Variants in OR5P3 observed in about 807,000 individuals in gnomAD.
OR5P3 encodes olfactory receptor 5P3.
For missense variants in OR5P3, 415 were observed against 375.6 expected (o/e 1.10, Z -0.87); for synonymous variants, 172 against 141.8 (o/e 1.21, Z -1.51).
In OR5P3 at chr11:7,826,231, G is replaced by A. The variant is rs117239400; in HGVS notation, c.-21-238C>T. 6.5e-3 allele frequency among the ~76,000 whole-genome samples: 979 copies of A among 150,970 alleles called. 4 individuals are homozygous for A. The highest frequency in any genetic ancestry group is 0.011 in the South Asian group (51 of 4,786). ...TTTTTTAACTTAACACACTCAACTC[G>A]TATTGGATGGTTAATTTAGGTGCTC... On this transcript the variant is annotated intron_variant, in intron 1 of 1. Coordinates refer to ENST00000641167, the MANE Select transcript of OR5P3 (RefSeq NM_153445.2).
chr11:7,829,993 T>C (rs1309654112), intron 1 of OR5P3, among the ~76,000 whole-genome samples: 1 of 152,242 alleles, frequency 6.6e-6, no homozygotes, highest in East Asian at 1.9e-4. Flanking sequence ...CATCATTTAA[T>C]ATAAGGTTTA....
Position 7,825,867 on chromosome 11 carries a change from C to G in OR5P3, c.106G>C (p.Val36Leu), listed in dbSNP as rs777463642. 1.2e-6 allele frequency: 2 copies of G among 1,611,030 alleles called. No homozygotes were observed. The highest frequency in any genetic ancestry group is 4.5e-5 in the East Asian group (2 of 44,886). ...ILFLVFLGIY[V>L]VTLMGNISII... ...CTGATATTACCCATTAAGGTGACAA[C>G]ATAAATTCCTAGAAACACAAGAAAT... The change falls in exon 2 of 2, where the codon GTT (valine) becomes CTT (leucine). Residue 36 changes from valine (V) to leucine (L), a missense_variant. Val to Leu is a conservative substitution (Grantham distance 32). Coordinates refer to ENST00000641167, the MANE Select transcript of OR5P3 (RefSeq NM_153445.2).
Position 7,830,099 on chromosome 11 carries a change from G to A in OR5P3, c.-22+725C>T, listed in dbSNP as rs146393934. On this transcript the variant is annotated intron_variant, in intron 1 of 1. Transcript: ENST00000641167. ...TCTTTAAAGATCAACCAAAATTAAG[G>A]AATAATGTATTTTTCTTTAAAGAAT... 4.3e-3 allele frequency among the ~76,000 whole-genome samples: 649 copies of A among 152,062 alleles called. 2 individuals are homozygous for A. The highest frequency in any genetic ancestry group is 0.015 in the African/African-American group (624 of 41,478).
At chr11:7,826,819 A>G (rs1857747465) in intron 1 of OR5P3, among the ~76,000 whole-genome samples, 1 of 152,224 alleles carries the variant, frequency 6.6e-6, no homozygotes, top group African/African-American at 2.4e-5. Flanking sequence ...GGTTGCTAAC[A>G]GAAGATTCCA....
In OR5P3 at chr11:7,825,965, G is replaced by A. The variant is rs756724882; in HGVS notation, c.8C>T (p.Thr3Ile). The A allele has an allele frequency of 7.9e-6, 12 of 1,527,986 alleles. No individual in the cohort carries two copies. In the South Asian group the frequency reaches 1.4e-4, roughly 18 times the overall value. The allele number at this position is 1,527,986 out of a possible 1,614,324, so 94.7% of individuals were successfully genotyped here. Residue 3 changes from threonine (T) to isoleucine (I), a missense_variant, in exon 2 of 2, where the codon ACT becomes ATT. Thr to Ile is a moderately conservative substitution (Grantham distance 89). Transcript: ENST00000641167. Reference protein sequence around the residue: MGTGNDTTVVEFT... With the variant: MGIGNDTTVVEFT... Reference sequence around the variant, plus strand: ...CTCTACCACAGTGGTGTCATTTCCAGTCCCCATCTATATTGGGAATGGTGC... The same window carrying A: ...CTCTACCACAGTGGTGTCATTTCCAATCCCCATCTATATTGGGAATGGTGC...
Position 7,825,733 on chromosome 11 carries a change from G to C in OR5P3, c.240C>G (p.Val80=), listed in dbSNP as rs899895028. ...DIGYSSSVTP[V]MLMSFLRKET... ...CTTTCCTTAGGAAGCTCATGAGCATGACAGGTGTGACTGATGAGGAGTACC... is the reference window on the plus strand; with the variant it reads ...CTTTCCTTAGGAAGCTCATGAGCATCACAGGTGTGACTGATGAGGAGTACC... Residue 80 remains valine (V), a synonymous_variant, in exon 2 of 2, where the codon GTC becomes GTG. Coordinates refer to ENST00000641167, the MANE Select transcript of OR5P3 (RefSeq NM_153445.2). 1.2e-6 allele frequency: 2 copies of C among 1,613,136 alleles called. No homozygotes were observed. The highest frequency in any genetic ancestry group is 3.3e-5 in the Admixed American group (2 of 59,958).
At chr11:7,827,504 C>T (rs1387515904) in intron 1 of OR5P3, among the ~76,000 whole-genome samples, 1 of 152,028 alleles carries the variant, frequency 6.6e-6, no homozygotes, top group Non-Finnish European at 1.5e-5. Context: ...ACGAAAGGGA[C>T]AGATATGGAA....
In OR5P3 at chr11:7,825,135, C is replaced by T. The variant is rs200018758; in HGVS notation, c.838G>A (p.Val280Met). ...AGGGGGTTCAACATGGGAATCACCACGGTGTAGAACACAGACACCACCTTG... is the reference window on the plus strand; with the variant it reads ...AGGGGGTTCAACATGGGAATCACCATGGTGTAGAACACAGACACCACCTTG... The part of the protein sequence containing the change: ...QNKVVSVFYT[V>M]VIPMLNPLIY... The change falls in exon 2 of 2, where the codon GTG (valine) becomes ATG (methionine). Residue 280 changes from valine to methionine, a missense_variant. Val to Met is a conservative substitution (Grantham distance 21). Transcript: ENST00000641167. 1,421 of 1,606,302 alleles carry T rather than the reference C, an allele frequency of 8.8e-4. 21 individuals are homozygous for T. In the South Asian group the frequency reaches 0.014, roughly 15 times the overall value.
intron 1 of OR5P3, among the ~76,000 whole-genome samples, chr11:7,828,785 T>C (rs1857775361): frequency 6.6e-6 from 1 of 152,324 alleles, no homozygotes; most frequent in African/African-American, 2.4e-5. Flanking sequence ...CTGCCATTGC[T>C]AGTCATGGTT....
At chr11:7,827,971 T>C (rs112804649) in intron 1 of OR5P3, among the ~76,000 whole-genome samples, 2 of 152,268 alleles carry the variant, frequency 1.3e-5, no homozygotes, top group Non-Finnish European at 2.9e-5. Context: ...TGCTAGCCAG[T>C]TGATGACTGC....
intron 1 of OR5P3, among the ~76,000 whole-genome samples, chr11:7,826,557 T>C (rs375266270): frequency 2.0e-5 from 3 of 152,192 alleles, no homozygotes; most frequent in Admixed American, 1.3e-4. Flanking sequence ...GATTTCACAA[T>C]TGAGGAAAAG....
chr11:7,828,548 A>G (rs867008367), intron 1 of OR5P3, among the ~76,000 whole-genome samples: 51 of 152,188 alleles, frequency 3.4e-4, no homozygotes, highest in African/African-American at 1.1e-3. Context: ...GGAAGGGGTA[A>G]TAGGTAAACA....
chr11:7,825,017 C>A lies in OR5P3; in HGVS notation c.*20G>T. The A allele has an allele frequency of 6.4e-7, 1 of 1,562,956 alleles. No individual in the cohort carries two copies. Among genetic ancestry groups the A allele is most frequent in the South Asian group, 1.1e-5 (1 of 87,054 alleles). ...ATATAGAATATTAATATATCAGATT[C>A]TTCAAACTAACTAGTTTCATCAAGA... On this transcript the variant is annotated 3_prime_UTR_variant, in exon 2 of 2. Transcript: ENST00000641167.
At position 7,825,646 on chromosome 11, in the gene OR5P3, C is replaced by T. The variant is rs201636343; in HGVS notation, c.327G>A (p.Thr109=). The T allele has an allele frequency of 1.7e-5, 28 of 1,613,028 alleles. No homozygotes were observed. The highest frequency in any genetic ancestry group is 8.1e-5 in the African/African-American group (6 of 74,014). The part of the protein sequence containing the change: ...AQLCSVVTFG[T]AECFLLAAMA... ...TGGCAGCCAGCAGGAAGCACTCGGC[C>T]GTACCAAACGTCACTACAGAACAGA... The change falls in exon 2 of 2, where the codon ACG becomes ACA. Residue 109 remains threonine, a synonymous_variant. Coordinates refer to ENST00000641167, the MANE Select transcript of OR5P3 (RefSeq NM_153445.2).
At chr11:7,826,071 C>A (rs1303394283) in intron 1 of OR5P3, 78 bp from the exon 2 acceptor site, 3 of 708,240 alleles carry the variant, frequency 4.2e-6, no homozygotes, top group South Asian at 2.1e-5. Context: ...ATCTATTTAA[C>A]CAAAAAGTAT....
At chr11:7,830,754 T>G (rs1018465550) in intron 1 of OR5P3, 70 bp downstream of exon 1, 1 of 152,174 alleles carries the variant, frequency 6.6e-6, no homozygotes, top group African/African-American at 2.4e-5. Context: ...TTTAAAAAAC[T>G]ATACCTTAAC....
At chr11:7,829,914 T>C (rs567585616) in intron 1 of OR5P3, among the ~76,000 whole-genome samples, 1 of 152,174 alleles carries the variant, frequency 6.6e-6, no homozygotes, top group African/African-American at 2.4e-5. Context: ...ATGTCAACAA[T>C]TTAATTCCAT....
chr11:7,828,431 C>A (rs1857769993), intron 1 of OR5P3, among the ~76,000 whole-genome samples: 1 of 152,106 alleles, frequency 6.6e-6, no homozygotes, highest in African/African-American at 2.4e-5. Context: ...AGAGAGAGTA[C>A]AGAAGATAAT....
intron 1 of OR5P3, among the ~76,000 whole-genome samples, chr11:7,829,778 A>C (rs1281308098): frequency 6.6e-6 from 1 of 152,182 alleles, no homozygotes; most frequent in African/African-American, 2.4e-5. Context: ...AGAGAAGCAA[A>C]AGTGTTTTTT....
Sources: gnomAD v4.1 joint callset for allele counts (sites outside exome capture counted in the v4.1 genomes callset) on GRCh38, gnomAD v4.1.1 for gene constraint, MANE v1.5 for transcripts, NCBI Gene and HGNC (gene_info 2026-07-23, HGNC 2026-07-21) for gene names.